MYH9: variants seen among roughly 807,000 people sequenced by gnomAD.
MYH9 encodes myosin heavy chain 9, also known as myosin-9.
In MYH9, 29 loss-of-function variants were observed where a neutral mutation model predicts 241.9. The ratio of observed to expected loss-of-function variants is 0.12; its 90% CI spans 0.09 to 0.16. The LOEUF (loss-of-function observed/expected upper bound fraction) is 0.16. Ranked by LOEUF, MYH9 falls within the 10% of genes least tolerant of loss-of-function variation. MYH9 has a pLI of 1.00. For synonymous variants in MYH9, 1,047 were observed against 1,062.6 expected (o/e 0.99, Z 0.29); for missense variants, 1,803 against 2,595.5 (o/e 0.69, Z 6.63).
intron 1 of MYH9, among the ~76,000 whole-genome samples, chr22:36,353,876 C>A (rs770255361): frequency 3.3e-5 from 5 of 152,068 alleles, no homozygotes; most frequent in Non-Finnish European, 7.4e-5. Flanking sequence ...CTTACTGTGA[C>A]TATTTTCCTG....
chr22:36,326,390 C>T (rs751177627), intron 5 of MYH9, among the ~76,000 whole-genome samples, 178 bp downstream of exon 5: 4 of 152,330 alleles, frequency 2.6e-5, no homozygotes, highest in African/African-American at 4.8e-5. Flanking sequence ...GGCTTGCTAC[C>T]GCTGGACCAC....
At chr22:36,322,362 CA>C in intron 6 of MYH9, 66 bp downstream of exon 6, 1 of 1,539,992 alleles carries the variant, frequency 6.5e-7, no homozygotes, top group South Asian at 1.1e-5. Flanking sequence ...CAGGAAAAGG[CA>C]GCATGAGCCA....
At chr22:36,327,751 G>A (rs1346320392) in intron 3 of MYH9, among the ~76,000 whole-genome samples, 1 of 152,204 alleles carries the variant, frequency 6.6e-6, no homozygotes, top group Non-Finnish European at 1.5e-5. Flanking sequence ...AAATAGTTCT[G>A]TGTCTCCCAC....
chr22:36,340,571 G>A (rs1252371708), intron 3 of MYH9, among the ~76,000 whole-genome samples: 1 of 151,722 alleles, frequency 6.6e-6, no homozygotes, highest in African/African-American at 2.4e-5. Flanking sequence ...TGAGGCAAGA[G>A]AATCGCTTGA....
intron 25 of MYH9, among the ~76,000 whole-genome samples, chr22:36,296,337 T>C (rs1184226413): frequency 1.3e-5 from 2 of 152,040 alleles, no homozygotes; most frequent in Non-Finnish European, 2.9e-5. Context: ...TGGGTTCAAG[T>C]GATTCTCCTG....
At chr22:36,301,697 C>G in intron 20 of MYH9, 32 bp from the exon 21 acceptor site, 1 of 1,609,410 alleles carries the variant, frequency 6.2e-7, no homozygotes, top group Non-Finnish European at 8.5e-7. Flanking sequence ...GAGACATGCT[C>G]GGCTGGAAGA....
Position 36,305,175 on chromosome 22 carries a change from G to T in MYH9, c.2160-73C>A. On this transcript the variant is annotated intron_variant, in intron 17 of 40. Coordinates refer to ENST00000216181, the MANE Select transcript of MYH9 (RefSeq NM_002473.6). The surrounding 1 kb of genome is among the most constrained non-coding windows in gnomAD (Gnocchi z 4.7). ...CCACATGCCTGGAATATAGGCGAGA[G>T]ATTAACATCATTTCTACAATGCAAC... The T allele has an allele frequency of 7.9e-7, 1 of 1,270,576 alleles. No individual in the cohort carries two copies. The highest frequency in any genetic ancestry group is 1.2e-6 in the Non-Finnish European group (1 of 869,052). The allele number at this position is 1,270,576 out of a possible 1,614,324, so 78.7% of individuals were successfully genotyped here.
rs200820677 is a variant in MYH9 at position 36,288,950 on chromosome 22, G to C, written c.4558-11C>G. 148 of 1,613,762 alleles carry C rather than the reference G, an allele frequency of 9.2e-5. No homozygotes were observed. Among genetic ancestry groups the C allele is most frequent in the Admixed American group, 2.5e-4 (15 of 60,014 alleles). On this transcript the variant is annotated splice_polypyrimidine_tract_variant and intron_variant, in intron 32 of 40. Coordinates refer to ENST00000216181, the MANE Select transcript of MYH9 (RefSeq NM_002473.6). The surrounding 1 kb of genome is among the most constrained non-coding windows in gnomAD (Gnocchi z 4.8). ...CTCCAGCTCGTGGACCTGAGCCCCA[G>C]AGAGCCCAAGTCAGGAGCAAAGGGA...
rs1272197000 is a variant in MYH9, at chr22:36,309,405, G to A, written c.1729-9C>T. 1 of 1,609,572 alleles carries A rather than the reference G, an allele frequency of 6.2e-7. No individual in the cohort carries two copies. The highest frequency in any genetic ancestry group is 1.1e-5 in the South Asian group (1 of 90,992). On this transcript the variant is annotated splice_polypyrimidine_tract_variant and intron_variant, in intron 14 of 40. Transcript: ENST00000216181. ...TCAGCTTTGTAATCCACCTGGCGGG[G>A]TCAGAGAGGCAGGAGTCACAAGCTG...
chr22:36,294,812 G>T, intron 27 of MYH9, 120 bp downstream of exon 27: 2 of 1,376,418 alleles, frequency 1.5e-6, no homozygotes, highest in African/African-American at 1.4e-5. Context: ...AGGGGAGCCT[G>T]GCCTCAGAAC....
intron 18 of MYH9, among the ~76,000 whole-genome samples, chr22:36,304,790 C>T (rs2016942632): frequency 6.6e-6 from 1 of 152,244 alleles, no homozygotes; most frequent in African/African-American, 2.4e-5. Context: ...TACATCAGAG[C>T]CCGGCCATGG....
At chr22:36,381,781 GA>G (rs1311844211) in intron 1 of MYH9, among the ~76,000 whole-genome samples, 1 of 152,100 alleles carries the variant, frequency 6.6e-6, no homozygotes, top group African/African-American at 2.4e-5. Flanking sequence ...GGGATGCAAG[GA>G]CTTCCACTGT....
At position 36,329,850 on chromosome 22, in the gene MYH9, T is replaced by A. The variant is rs1485095551; in HGVS notation, c.491-2362A>T. Among the ~76,000 whole-genome samples the A allele has an allele frequency of 6.6e-6, 1 of 152,158 alleles. No homozygotes were observed. The highest frequency in any genetic ancestry group is 1.5e-5 in the Non-Finnish European group (1 of 68,036). ...ATACACAGTCACATATGGAGGTAGGTGTACAGAGGTACGTGTGCACAGAAA... is the reference window on the plus strand; with the variant it reads ...ATACACAGTCACATATGGAGGTAGGAGTACAGAGGTACGTGTGCACAGAAA... On this transcript the variant is annotated intron_variant, in intron 3 of 40. Transcript: ENST00000216181. The surrounding 1 kb of genome is among the most constrained non-coding windows in gnomAD (Gnocchi z 4.1).
At chr22:36,353,037 A>G (rs552403630) in intron 1 of MYH9, among the ~76,000 whole-genome samples, 2 of 152,230 alleles carry the variant, frequency 1.3e-5, no homozygotes, top group East Asian at 1.9e-4. Flanking sequence ...GCCACATTCA[A>G]TGATGGGGAG....
In MYH9 at chr22:36,284,324, T is replaced by C. The variant is rs1009377709; in HGVS notation, c.5593-59A>G. ...TTAGGGGCTCTGGGCGTGCAGCCAGTCAGCCCCACTGCCCTGCCTGTCACC... is the reference window on the plus strand; with the variant it reads ...TTAGGGGCTCTGGGCGTGCAGCCAGCCAGCCCCACTGCCCTGCCTGTCACC... On this transcript the variant is annotated intron_variant, in intron 39 of 40. Transcript: ENST00000216181. The C allele has an allele frequency of 4.9e-5, 78 of 1,604,206 alleles. 1 individual carries two copies. In the African/African-American group the frequency reaches 9.9e-4, roughly 20 times the overall value.
intron 1 of MYH9, among the ~76,000 whole-genome samples, chr22:36,369,664 C>G (rs540490457): frequency 6.6e-6 from 1 of 152,188 alleles, no homozygotes; most frequent in Non-Finnish European, 1.5e-5. Context: ...AACTAGGTAA[C>G]GCGACCCAGC....
At chr22:36,347,141 G>C (rs568291409) in intron 2 of MYH9, among the ~76,000 whole-genome samples, 1 of 152,114 alleles carries the variant, frequency 6.6e-6, no homozygotes, top group Non-Finnish European at 1.5e-5. Context: ...CCCAGAGCCC[G>C]TTGCCTCTGG....
intron 27 of MYH9, 78 bp downstream of exon 27, chr22:36,294,854 T>C: frequency 6.3e-7 from 1 of 1,593,192 alleles, no homozygotes; most frequent in Non-Finnish European, 8.5e-7. Flanking sequence ...GCAACTGCTC[T>C]GCAGGACTGG....
At position 36,285,805 on chromosome 22, in the gene MYH9, AG is replaced by A. The variant is rs767868992; in HGVS notation, c.5151-25del. On this transcript the variant is annotated intron_variant, in intron 36 of 40. Coordinates refer to ENST00000216181, the MANE Select transcript of MYH9 (RefSeq NM_002473.6). The surrounding 1 kb of genome is among the most constrained non-coding windows in gnomAD (Gnocchi z 7.0). The stretch of plus-strand genomic sequence containing the variant: ...CTCTGCGGGGTGGGCGGGAGAAGTG[AG>A]GGGCCTACCCTGGGGACACACCTGG... The A allele has an allele frequency of 6.1e-5, 98 of 1,611,746 alleles. No individual in the cohort carries two copies. Among genetic ancestry groups the A allele is most frequent in the Non-Finnish European group, 8.0e-5 (94 of 1,179,340 alleles).
Sources: gnomAD v4.1 joint callset for allele counts (sites outside exome capture counted in the v4.1 genomes callset) on GRCh38, gnomAD v4.1.1 for gene constraint, Gnocchi (gnomAD v3.1) non-coding constraint, MANE v1.5 for transcripts, NCBI Gene and HGNC (gene_info 2026-07-23, HGNC 2026-07-21) for gene names.